The following NCOA3 variants were observed in gnomAD, a reference collection of about 807,000 sequenced individuals.
NCOA3 encodes the protein CBP-interacting protein.
In NCOA3, 51 loss-of-function variants were observed where a neutral mutation model predicts 158.8. The ratio of observed to expected loss-of-function variants is 0.32; its 90% CI spans 0.26 to 0.41. NCOA3 has a LOEUF of 0.41. NCOA3 is among the 10% of genes least tolerant of loss of function. The probability of loss-of-function intolerance (pLI) is 1.00; values close to 1 mark genes in which losing one functional copy is unlikely to be tolerated. For missense variants in NCOA3, 1,510 were observed against 1,746.6 expected (o/e 0.86, Z 2.41); for synonymous variants, 537 against 592.4 (o/e 0.91, Z 1.36).
At chr20:47,612,432 G>C (rs900472229) in intron 2 of NCOA3, among the ~76,000 whole-genome samples, 3 of 152,018 alleles carry the variant, frequency 2.0e-5, no homozygotes, top group Non-Finnish European at 4.4e-5. Context: ...TGGGAGAGTC[G>C]GGGATGGTTT....
At chr20:47,505,003 G>GTTTTGTTTTTTTTTTT (rs2084004592) in intron 1 of NCOA3, among the ~76,000 whole-genome samples, 1 of 28,550 alleles carries the variant, frequency 3.5e-5, no homozygotes, top group Non-Finnish European at 5.4e-5. Flanking sequence ...TGGGTTTTTG[G>GTTTTGTTTTTTTTTTT]TTTTTTTTTT....
At chr20:47,648,965 C>G in intron 18 of NCOA3, 40 bp from the exon 19 acceptor site, 1 of 1,294,070 alleles carries the variant, frequency 7.7e-7, no homozygotes, top group Non-Finnish European at 1.1e-6. Context: ...GGCAGACTGA[C>G]GTGCTCTGCT....
chr20:47,640,192 G>A, intron 16 of NCOA3, 141 bp downstream of exon 16: 1 of 1,082,614 alleles, frequency 9.2e-7, no homozygotes, highest in Non-Finnish European at 1.3e-6. Flanking sequence ...CATTTCTCGT[G>A]TAACTCTGTG....
intron 17 of NCOA3, 94 bp downstream of exon 17, chr20:47,642,478 G>A: frequency 2.5e-6 from 2 of 791,362 alleles, no homozygotes; most frequent in Non-Finnish European, 3.6e-6. Context: ...GCCTGTGTGT[G>A]TCTCTCCTAG....
chr20:47,638,366 C>A (rs528480597), intron 13 of NCOA3, among the ~76,000 whole-genome samples: 1 of 152,116 alleles, frequency 6.6e-6, no homozygotes, highest in African/African-American at 2.4e-5. Context: ...GCCAAGATTG[C>A]GCCACTGCAC....
intron 2 of NCOA3, among the ~76,000 whole-genome samples, chr20:47,616,356 G>A (rs1220990155): frequency 6.6e-6 from 1 of 151,528 alleles, no homozygotes; most frequent in Non-Finnish European, 1.5e-5. Context: ...ACCACGCCCG[G>A]CTAATTTTGT....
intron 2 of NCOA3, among the ~76,000 whole-genome samples, chr20:47,590,297 G>A (rs986103849): frequency 3.9e-5 from 6 of 152,186 alleles, no homozygotes; most frequent in Admixed American, 6.5e-5. Flanking sequence ...TGCAAATAAC[G>A]TTATTAACAT....
intron 5 of NCOA3, 102 bp from the exon 6 acceptor site, chr20:47,626,900 C>G (rs1414416028): frequency 9.2e-7 from 1 of 1,084,606 alleles, no homozygotes; most frequent in East Asian, 2.5e-5. Context: ...GGTCTTGTTT[C>G]CAAATACAGT....
intron 13 of NCOA3, 30 bp downstream of exon 13, chr20:47,637,813 T>G (rs748705038): frequency 2.6e-5 from 40 of 1,557,688 alleles, no homozygotes; most frequent in Non-Finnish European, 3.0e-5. Flanking sequence ...TTTTTTTTTT[T>G]GCTGCCTTTG....
At chr20:47,555,614 C>T (rs1405670723) in intron 1 of NCOA3, among the ~76,000 whole-genome samples, 3 of 141,220 alleles carry the variant, frequency 2.1e-5, no homozygotes, top group African/African-American at 5.2e-5. Context: ...TTTGTTTTTC[C>T]TTAGATACTA....
intron 1 of NCOA3, among the ~76,000 whole-genome samples, chr20:47,533,668 C>T (rs1395640568): frequency 1.3e-5 from 2 of 152,144 alleles, no homozygotes; most frequent in African/African-American, 4.8e-5. Flanking sequence ...CTGGCTCACA[C>T]TTGTAACCCT....
chr20:47,618,371 ATAG>A (rs1273832894), intron 2 of NCOA3, among the ~76,000 whole-genome samples: 17 of 18,142 alleles, frequency 9.4e-4, no homozygotes, highest in African/African-American at 3.7e-3. Context: ...TTTTTTTTTT[ATAG>A]ACAGAATTCA....
At chr20:47,592,123 A>G (rs1602451254) in intron 2 of NCOA3, among the ~76,000 whole-genome samples, 1 of 151,988 alleles carries the variant, frequency 6.6e-6, no homozygotes, top group South Asian at 2.1e-4. Context: ...GCTCACTGCA[A>G]CCTCCGCCTC....
intron 2 of NCOA3, among the ~76,000 whole-genome samples, chr20:47,602,666 A>C (rs945373083): frequency 6.6e-6 from 1 of 152,208 alleles, no homozygotes; most frequent in African/African-American, 2.4e-5. Context: ...GACATGATTC[A>C]GTAGTTTAAG....
intron 1 of NCOA3, among the ~76,000 whole-genome samples, chr20:47,550,570 C>G (rs2146153520): frequency 6.6e-6 from 1 of 151,908 alleles, no homozygotes; most frequent in Non-Finnish European, 1.5e-5. Context: ...TAGTTGGTTT[C>G]TAAGTGTGTT....
At chr20:47,503,004 A>G (rs963052828) in intron 1 of NCOA3, among the ~76,000 whole-genome samples, 1 of 152,174 alleles carries the variant, frequency 6.6e-6, no homozygotes, top group Admixed American at 6.5e-5. Flanking sequence ...CCTTTTTGCA[A>G]TATTTGAGCA....
chr20:47,652,883 T>C, intron 21 of NCOA3, 48 bp from the exon 22 acceptor site: 1 of 1,601,782 alleles, frequency 6.2e-7, no homozygotes. Flanking sequence ...ATGCCCTTTG[T>C]CGCTAAAGTG....
At chr20:47,582,494 T>C (rs945716943) in intron 1 of NCOA3, among the ~76,000 whole-genome samples, 6 of 152,236 alleles carry the variant, frequency 3.9e-5, no homozygotes, top group South Asian at 2.1e-4. Flanking sequence ...ATTCGAGGCA[T>C]GAGCCACTGC....
In NCOA3 at chr20:47,635,448, C is replaced by A; in HGVS notation, c.1239C>A (p.Ser413Arg). The A allele has an allele frequency of 6.2e-7, 1 of 1,614,172 alleles. No individual in the cohort carries two copies. Among genetic ancestry groups the A allele is most frequent in the Non-Finnish European group, 8.5e-7 (1 of 1,180,032 alleles). The change falls in exon 11 of 23, where the codon AGC becomes AGA. Residue 413 changes from serine to arginine, a missense_variant. Physicochemically the swap from Ser to Arg is moderately radical, Grantham distance 110. Coordinates refer to ENST00000371998, the MANE Select transcript of NCOA3 (RefSeq NM_181659.3). ...MSPNQGLQMP[S>R]SRAYGLADPS... ...CAAACCAAGGCTTACAGATGCCGAG[C>A]AGCAGGGCCTATGGCTTGGCAGACC...
Sources: gnomAD v4.1 joint callset for allele counts (sites outside exome capture counted in the v4.1 genomes callset) on GRCh38, gnomAD v4.1.1 for gene constraint, MANE v1.5 for transcripts, NCBI Gene and HGNC (gene_info 2026-07-23, HGNC 2026-07-21) for gene names.